The following FNIP1 variants were observed in gnomAD, a reference collection of about 807,000 sequenced individuals.
The protein encoded by FNIP1 is folliculin interacting protein 1, also known as folliculin-interacting protein 1.
A neutral mutation model predicts 124.5 loss-of-function variants in FNIP1; 40 were observed. The ratio of observed to expected loss-of-function variants is 0.32; its 90% CI spans 0.25 to 0.42. The LOEUF (loss-of-function observed/expected upper bound fraction) is 0.42, where lower values mean the gene tolerates loss of function less well. Ranked by LOEUF, FNIP1 falls within the 10% of genes least tolerant of loss-of-function variation. FNIP1 has a pLI of 1.00. For synonymous variants in FNIP1, 472 were observed against 470.6 expected, an observed-to-expected ratio of 1.00 and a Z score of -0.04; for missense variants, 1,176 against 1,403.7, an observed-to-expected ratio of 0.84 and a Z score of 2.59.
Position 131,706,485 on chromosome 5 carries a change from A to G in FNIP1, c.840T>C (p.Ser280=), listed in dbSNP as rs1769117311. ...AACGTCGCTGGTAGCTGCTGGCACA[A>G]CTTCGGGTAAGTGAGGAGTTTGGGG... ...FPSPNSSLTR[S]CASSYQRRWR... Residue 280 remains serine (S), a synonymous_variant, in exon 9 of 18, where the codon AGT becomes AGC. Coordinates refer to ENST00000510461, the MANE Select transcript of FNIP1 (RefSeq NM_133372.3). The G allele has an allele frequency of 6.2e-7, 1 of 1,613,510 alleles. No homozygotes were observed. Among genetic ancestry groups the G allele is most frequent in the East Asian group, 2.2e-5 (1 of 44,860 alleles).
At chr5:131,773,437 G>A (rs1018746884) in intron 1 of FNIP1, among the ~76,000 whole-genome samples, 1 of 152,128 alleles carries the variant, frequency 6.6e-6, no homozygotes, top group African/African-American at 2.4e-5. Flanking sequence ...CTGTCAACTT[G>A]GATGGGGAAT....
intron 3 of FNIP1, among the ~76,000 whole-genome samples, chr5:131,721,539 T>A (rs1040829511): frequency 6.6e-6 from 1 of 152,074 alleles, no homozygotes; most frequent in African/African-American, 2.4e-5. Flanking sequence ...TGGATCACGC[T>A]TGTAATACCA....
chr5:131,687,619 C>G (rs1469217601), intron 11 of FNIP1, among the ~76,000 whole-genome samples: 2 of 152,068 alleles, frequency 1.3e-5, no homozygotes, highest in Non-Finnish European at 2.9e-5. Flanking sequence ...AAACTGCGGA[C>G]AGAGGGAAAA....
chr5:131,768,691 C>T (rs750783739), intron 1 of FNIP1, among the ~76,000 whole-genome samples: 97 of 152,102 alleles, frequency 6.4e-4, no homozygotes, highest in South Asian at 2.7e-3. Context: ...CCCAGCTACT[C>T]GGGAGCCTGA....
At chr5:131,794,350 C>T (rs1772508265) in intron 1 of FNIP1, among the ~76,000 whole-genome samples, 1 of 150,696 alleles carries the variant, frequency 6.6e-6, no homozygotes, top group Admixed American at 6.6e-5. Flanking sequence ...AACCTGTAAC[C>T]TTCATGCATT....
intron 2 of FNIP1, among the ~76,000 whole-genome samples, chr5:131,742,921 G>A (rs1001111523): frequency 3.9e-5 from 6 of 152,114 alleles, no homozygotes; most frequent in Admixed American, 2.0e-4. Flanking sequence ...AATTACAATC[G>A]ATCAAAATGT....
chr5:131,729,016 G>A (rs1769987752), intron 3 of FNIP1, among the ~76,000 whole-genome samples: 1 of 152,136 alleles, frequency 6.6e-6, no homozygotes, highest in East Asian at 1.9e-4. Context: ...ACTGGAGGCT[G>A]CAGAACAGCA....
At chr5:131,688,180 A>G (rs1207106105) in intron 11 of FNIP1, among the ~76,000 whole-genome samples, 1 of 152,108 alleles carries the variant, frequency 6.6e-6, no homozygotes, top group Non-Finnish European at 1.5e-5. Flanking sequence ...TTCCATATCA[A>G]CATAGCTCCA....
intron 3 of FNIP1, among the ~76,000 whole-genome samples, chr5:131,727,736 A>C (rs899495576): frequency 6.6e-6 from 1 of 152,086 alleles, no homozygotes; most frequent in African/African-American, 2.4e-5. Context: ...CTAGCTGGTT[A>C]TTTTGCCTGT....
intron 1 of FNIP1, among the ~76,000 whole-genome samples, chr5:131,782,405 AACC>A (rs1772024265): frequency 1.3e-5 from 2 of 151,894 alleles, no homozygotes; most frequent in South Asian, 4.2e-4. Context: ...AAAAAACAAA[AACC>A]AAACACGCAC....
chr5:131,745,827 G>A (rs537631810), intron 1 of FNIP1, among the ~76,000 whole-genome samples: 57 of 152,138 alleles, frequency 3.7e-4, no homozygotes, highest in Non-Finnish European at 8.8e-5. Context: ...GGTTAAAAAC[G>A]TGCAACGTTT....
chr5:131,768,295 C>T (rs1385182714), intron 1 of FNIP1, among the ~76,000 whole-genome samples: 1 of 152,076 alleles, frequency 6.6e-6, no homozygotes, highest in Non-Finnish European at 1.5e-5. Context: ...TAGTATTTTT[C>T]AGCAATACGT....
intron 16 of FNIP1, among the ~76,000 whole-genome samples, chr5:131,650,652 T>C (rs960879223): frequency 6.6e-6 from 1 of 152,218 alleles, no homozygotes. Flanking sequence ...CTCAGTAGCA[T>C]GTTGAACAGA....
At chr5:131,662,262 T>A (rs1355340101) in intron 15 of FNIP1, among the ~76,000 whole-genome samples, 1 of 152,084 alleles carries the variant, frequency 6.6e-6, no homozygotes, top group Non-Finnish European at 1.5e-5. Context: ...ATCATGGAGA[T>A]GCCTCTTCTA....
intron 11 of FNIP1, among the ~76,000 whole-genome samples, chr5:131,687,069 A>C (rs1768302373): frequency 6.7e-6 from 1 of 150,268 alleles, no homozygotes; most frequent in Admixed American, 6.6e-5. Flanking sequence ...ATTCCAAAGA[A>C]AAGTCTAGAT....
intron 1 of FNIP1, among the ~76,000 whole-genome samples, chr5:131,791,566 T>A (rs1051479061): frequency 6.6e-6 from 1 of 152,212 alleles, no homozygotes; most frequent in Non-Finnish European, 1.5e-5. Flanking sequence ...AGCATCAGAA[T>A]TGCCTGGAGG....
At position 131,708,779 on chromosome 5, in the gene FNIP1, T is replaced by C. The variant is rs985346866; in HGVS notation, c.778+422A>G. Among the ~76,000 whole-genome samples, 156 of 151,204 alleles carry C rather than the reference T, an allele frequency of 1.0e-3. 1 individual carries two copies. Among genetic ancestry groups the C allele is most frequent in the African/African-American group, 3.6e-3 (149 of 41,102 alleles). On this transcript the variant is annotated intron_variant, in intron 8 of 17. Transcript: ENST00000510461. ...GCTAGACCTACAAATTTTGGACAGG[T>C]CCATATTTGGAAAAAAAAAAAAAGT...
At position 131,716,444 on chromosome 5, in the gene FNIP1, C is replaced by A. The variant is rs529144754; in HGVS notation, c.622+121G>T. The A allele has an allele frequency of 1.3e-4, 74 of 579,204 alleles. 1 individual carries two copies. In the South Asian group the frequency reaches 1.9e-3, roughly 15 times the overall value. 35.9% of individuals were successfully genotyped at this position (579,204 alleles called of 1,614,324 possible). A position where few individuals can be genotyped will look rare whatever the true frequency, so the allele number is the denominator to read the frequency against. ...ACTGGCAATTTAAATGCCTCTTCCACTTACAGTATTTGAAATTCTTTGTTA... is the reference window on the plus strand; with the variant it reads ...ACTGGCAATTTAAATGCCTCTTCCAATTACAGTATTTGAAATTCTTTGTTA... On this transcript the variant is annotated intron_variant, in intron 6 of 17. Transcript: ENST00000510461.
intron 12 of FNIP1, among the ~76,000 whole-genome samples, chr5:131,678,749 C>G (rs538105819): frequency 3.9e-5 from 6 of 152,096 alleles, no homozygotes; most frequent in Non-Finnish European, 5.9e-5. Flanking sequence ...TGAAATAAAA[C>G]TATAAATGGA....
Sources: allele counts gnomAD v4.1 joint callset (sites outside exome capture counted in the v4.1 genomes callset), GRCh38; gene constraint gnomAD v4.1.1; transcripts MANE v1.5; gene names NCBI Gene and HGNC (gene_info 2026-07-23, HGNC 2026-07-21).